DACH1: variants seen among roughly 807,000 people sequenced by gnomAD.
The protein encoded by DACH1 is dachshund family transcription factor 1, also known as dachshund homolog 1.
Under a neutral mutation model 54.2 loss-of-function variants are expected in DACH1, and 12 were observed. The observed-to-expected ratio is 0.22, with a 90% CI of 0.14 to 0.36. The LOEUF (loss-of-function observed/expected upper bound fraction) is 0.36, where lower values mean the gene tolerates loss of function less well. DACH1 is among the 10% of genes least tolerant of loss of function. The pLI is 1.00. For synonymous variants in DACH1, 386 were observed against 366.2 expected (o/e 1.05, Z -0.62); for missense variants, 805 against 929.8 (o/e 0.87, Z 1.75).
intron 10 of DACH1, among the ~76,000 whole-genome samples, chr13:71,463,884 G>A (rs1876326276): frequency 3.3e-5 from 5 of 151,806 alleles, no homozygotes; most frequent in African/African-American, 1.2e-4. Flanking sequence ...GGCACTTGAT[G>A]AGATTTTGGA....
chr13:71,569,504 C>T (rs925347086), intron 4 of DACH1, among the ~76,000 whole-genome samples: 1 of 151,988 alleles, frequency 6.6e-6, no homozygotes, highest in Non-Finnish European at 1.5e-5. Flanking sequence ...AAATGCAAAA[C>T]CATTCTTAAC....
chr13:71,839,827 T>C (rs1217192062), intron 1 of DACH1, among the ~76,000 whole-genome samples: 1 of 152,048 alleles, frequency 6.6e-6, no homozygotes, highest in East Asian at 1.9e-4. Context: ...CAGCAAAAAC[T>C]AGAGAGTTAA....
At chr13:71,480,932 C>T (rs1593761379) in intron 7 of DACH1, among the ~76,000 whole-genome samples, 1 of 129,030 alleles carries the variant, frequency 7.8e-6, no homozygotes, top group East Asian at 2.3e-4. Flanking sequence ...AAGATTTCTC[C>T]GTGGCAGGTT....
intron 2 of DACH1, among the ~76,000 whole-genome samples, chr13:71,635,420 C>T (rs1877411398): frequency 6.6e-6 from 1 of 152,124 alleles, no homozygotes; most frequent in South Asian, 2.1e-4. Context: ...AAAAACATAG[C>T]TTACAATCTA....
At chr13:71,673,588 C>T (rs1020184056) in intron 2 of DACH1, among the ~76,000 whole-genome samples, 2 of 151,448 alleles carry the variant, frequency 1.3e-5, no homozygotes, top group Non-Finnish European at 2.9e-5. Flanking sequence ...GGGTGGGGGA[C>T]ACCACACACC....
At chr13:71,510,037 A>G (rs1438816083) in intron 6 of DACH1, among the ~76,000 whole-genome samples, 1 of 151,992 alleles carries the variant, frequency 6.6e-6, no homozygotes, top group African/African-American at 2.4e-5. Flanking sequence ...ACCTCCCTCT[A>G]CTTGACTTAT....
intron 1 of DACH1, among the ~76,000 whole-genome samples, chr13:71,821,681 G>A (rs886325735): frequency 6.6e-6 from 1 of 151,852 alleles, no homozygotes; most frequent in Non-Finnish European, 1.5e-5. Context: ...TTTCATTTTT[G>A]CTCCTGTATG....
At chr13:71,560,832 C>T (rs1277794706) in intron 4 of DACH1, among the ~76,000 whole-genome samples, 1 of 151,896 alleles carries the variant, frequency 6.6e-6, no homozygotes, top group East Asian at 1.9e-4. Flanking sequence ...ATATTTATAC[C>T]CTCAGTTATT....
intron 2 of DACH1, among the ~76,000 whole-genome samples, chr13:71,673,614 G>T (rs1348641707): frequency 1.3e-5 from 2 of 151,838 alleles, no homozygotes. Flanking sequence ...CTGTTGGGGG[G>T]TGTGGGGCTG....
intron 2 of DACH1, among the ~76,000 whole-genome samples, chr13:71,659,226 T>A: frequency 6.6e-6 from 1 of 152,222 alleles, no homozygotes; most frequent in African/African-American, 2.4e-5. Context: ...AAAAATGGAA[T>A]ACAAAGAGTG....
Position 71,470,923 on chromosome 13 carries a change from T to C in DACH1, c.2083+4218A>G, listed in dbSNP as rs576330324. On this transcript the variant is annotated intron_variant, in intron 10 of 10. Coordinates refer to ENST00000613252, the MANE Select transcript of DACH1 (RefSeq NM_080759.6). ...GGAACTGCATGTACAGATGTTCCTA[T>C]GGAGAAATGGAAGGTGTAGTAAGAA... Among the ~76,000 whole-genome samples, 14 of 152,170 alleles carry C rather than the reference T, an allele frequency of 9.2e-5. No individual in the cohort carries two copies. In the South Asian group the frequency reaches 1.9e-3, roughly 20 times the overall value.
At chr13:71,693,830 T>C (rs1196154312) in intron 1 of DACH1, among the ~76,000 whole-genome samples, 1 of 152,098 alleles carries the variant, frequency 6.6e-6, no homozygotes, top group Non-Finnish European at 1.5e-5. Flanking sequence ...GGCATGGGTG[T>C]ATAGAAAAAA....
At chr13:71,849,706 A>G (rs559221626) in intron 1 of DACH1, among the ~76,000 whole-genome samples, 1 of 152,296 alleles carries the variant, frequency 6.6e-6, no homozygotes, top group South Asian at 2.1e-4. Flanking sequence ...CTGTGCACAC[A>G]TGTAGAGGCC....
At chr13:71,535,589 C>T (rs140943421) in intron 6 of DACH1, among the ~76,000 whole-genome samples, 11 of 151,942 alleles carry the variant, frequency 7.2e-5, no homozygotes, top group South Asian at 4.1e-4. Context: ...TAAAGTCAGG[C>T]GCATTTTTTT....
intron 1 of DACH1, among the ~76,000 whole-genome samples, chr13:71,771,832 T>C (rs546925823): frequency 5.1e-4 from 77 of 150,600 alleles, no homozygotes; most frequent in African/African-American, 1.7e-3. Context: ...TATTACTGTA[T>C]AAAGGTAAAT....
chr13:71,771,093 T>C (rs1005374039), intron 1 of DACH1, among the ~76,000 whole-genome samples: 2 of 151,460 alleles, frequency 1.3e-5, no homozygotes, highest in African/African-American at 4.8e-5. Flanking sequence ...AAAATTGGTG[T>C]TTCATTAACA....
chr13:71,527,236 T>C (rs1882040891), intron 6 of DACH1, among the ~76,000 whole-genome samples: 1 of 151,938 alleles, frequency 6.6e-6, no homozygotes, highest in Non-Finnish European at 1.5e-5. Flanking sequence ...CTTGAATGCA[T>C]CACAACTAAT....
At chr13:71,861,232 T>C (rs538083187) in intron 1 of DACH1, among the ~76,000 whole-genome samples, 7 of 152,160 alleles carry the variant, frequency 4.6e-5, no homozygotes, top group Admixed American at 1.3e-4. Context: ...AAGCCTGTCG[T>C]GTAGTTTATT....
chr13:71,680,876 G>A (rs973286581), intron 2 of DACH1, among the ~76,000 whole-genome samples: 11 of 151,804 alleles, frequency 7.2e-5, no homozygotes, highest in Admixed American at 7.2e-4. Context: ...AAAGACAAAT[G>A]TTACAAAGAA....
Sources: allele counts gnomAD v4.1 joint callset (sites outside exome capture counted in the v4.1 genomes callset), GRCh38; gene constraint gnomAD v4.1.1; transcripts MANE v1.5; gene names NCBI Gene and HGNC (gene_info 2026-07-23, HGNC 2026-07-21).